Variants in KLF3 observed in about 807,000 individuals in gnomAD.
KLF3 encodes the protein Krueppel-like factor 3.
KLF3 carries 6 observed loss-of-function variants against 32.7 expected under a neutral mutation model. The ratio of observed to expected loss-of-function variants is 0.18; its 90% CI spans 0.10 to 0.36. KLF3 has a LOEUF of 0.36. Ranked by LOEUF, KLF3 falls within the 10% of genes least tolerant of loss-of-function variation. KLF3 has a pLI of 1.00. For synonymous variants in KLF3, 145 were observed against 172.8 expected, an observed-to-expected ratio of 0.84 and a Z score of 1.26; for missense variants, 338 against 449.7, an observed-to-expected ratio of 0.75 and a Z score of 2.25.
intron 5 of KLF3, among the ~76,000 whole-genome samples, chr4:38,695,208 C>A (rs1309459813): frequency 6.6e-6 from 1 of 152,218 alleles, no homozygotes; most frequent in Non-Finnish European, 1.5e-5. Flanking sequence ...GGGGGAAGTG[C>A]TTTCACAGTC....
At position 38,688,931 on chromosome 4, in the gene KLF3, G is replaced by A; in HGVS notation, c.404G>A (p.Gly135Glu). The stretch of plus-strand genomic sequence containing the variant: ...ATGGCAGCTGCCCTCTCGCGGCATG[G>A]AATACGGAGCCCGGGGATCCTGCCC... ...PVMAAALSRH[G>E]IRSPGILPVI... Residue 135 changes from glycine to glutamate, a missense_variant, in exon 3 of 6, where the codon GGA (glycine) becomes GAA (glutamate). Transcript: ENST00000261438. This position sits in a 1 kb window ranked among gnomAD's most constrained non-coding sequence, Gnocchi z 4.9. The A allele has an allele frequency of 6.2e-7, 1 of 1,614,256 alleles. No individual in the cohort carries two copies. Among genetic ancestry groups the A allele is most frequent in the East Asian group, 2.2e-5 (1 of 44,882 alleles).
chr4:38,679,630 C>G (rs771106230), intron 1 of KLF3, among the ~76,000 whole-genome samples: 1 of 152,206 alleles, frequency 6.6e-6, no homozygotes, highest in Admixed American at 6.5e-5. Context: ...CCCTAAGTGC[C>G]TAATAAAGAG....
In KLF3 at chr4:38,689,760, A is replaced by G. The variant is rs1722822641; in HGVS notation, c.576A>G (p.Ile192Met). 1 of 1,606,232 alleles carries G rather than the reference A, an allele frequency of 6.2e-7. No individual in the cohort carries two copies. Among genetic ancestry groups the G allele is most frequent in the South Asian group, 1.1e-5 (1 of 89,994 alleles). ...VPVIESYEKPISQKKIKIEPG... is the reference protein window; with the variant it reads ...VPVIESYEKPMSQKKIKIEPG... ...TAATTGAATCATATGAGAAGCCTATATCACAGAAAAAAATTAAAATAGAAC... is the reference window on the plus strand; with the variant it reads ...TAATTGAATCATATGAGAAGCCTATGTCACAGAAAAAAATTAAAATAGAAC... The change falls in exon 4 of 6, where the codon ATA (isoleucine) becomes ATG (methionine). Residue 192 changes from isoleucine (I) to methionine (M), a missense_variant. By Grantham distance (10) the Ile-to-Met change is conservative (BLOSUM62 1). Coordinates refer to ENST00000261438, the MANE Select transcript of KLF3 (RefSeq NM_016531.6).
chr4:38,685,063 T>C (rs1212947919), intron 2 of KLF3, among the ~76,000 whole-genome samples: 2 of 152,210 alleles, frequency 1.3e-5, no homozygotes, highest in Non-Finnish European at 2.9e-5. Flanking sequence ...GATTTGGATA[T>C]GGGGCCAGTA....
rs1722292104 is a variant in KLF3 at position 38,674,755 on chromosome 4, A to G, written c.-39-5832A>G. ...GGGAGATGAGAAGGGAGAACGTCAG[A>G]GGCAGGTCTTGCTCTAACCCCAAGA... is the stretch of plus-strand genomic sequence containing the variant. On this transcript the variant is annotated intron_variant, in intron 1 of 5. Coordinates refer to ENST00000261438, the MANE Select transcript of KLF3 (RefSeq NM_016531.6). The surrounding 1 kb of genome is among the most constrained non-coding windows in gnomAD (Gnocchi z 4.1). 1.4e-5 allele frequency among the ~76,000 whole-genome samples: 2 copies of G among 140,662 alleles called. No homozygotes were observed. Among genetic ancestry groups the G allele is most frequent in the South Asian group, 4.6e-4 (2 of 4,324 alleles). The allele number at this position is 140,662 out of a possible 152,430, so 92.3% of individuals were successfully genotyped here. A position where few individuals can be genotyped will look rare whatever the true frequency, so the allele number is the denominator to read the frequency against.
chr4:38,673,115 T>C (rs1317645571), intron 1 of KLF3, among the ~76,000 whole-genome samples: 2 of 152,246 alleles, frequency 1.3e-5, no homozygotes, highest in Non-Finnish European at 2.9e-5. Flanking sequence ...TCAGTGGCTC[T>C]CTGGGAGGAA....
At position 38,688,522 on chromosome 4, in the gene KLF3, TTCATG is replaced by T; in HGVS notation, c.58-61_58-57del. 6.7e-7 allele frequency: 1 copy of T among 1,485,672 alleles called. No homozygotes were observed. The highest frequency in any genetic ancestry group is 9.0e-7 in the Non-Finnish European group (1 of 1,106,054). 92.0% of individuals were successfully genotyped at this position (1,485,672 alleles called of 1,614,324 possible). On this transcript the variant is annotated intron_variant, in intron 2 of 5. Coordinates refer to ENST00000261438, the MANE Select transcript of KLF3 (RefSeq NM_016531.6). This position sits in a 1 kb window ranked among gnomAD's most constrained non-coding sequence, Gnocchi z 4.9. ...TGCCTTGTTAGCATATTTTTCTTAA[TTCATG>T]TTTCAAGTAAATGGACTTATTTGGC...
chr4:38,681,431 C>T (rs538996636), intron 2 of KLF3, among the ~76,000 whole-genome samples: 2 of 152,296 alleles, frequency 1.3e-5, no homozygotes, highest in Admixed American at 1.3e-4. Flanking sequence ...GACGGAATCT[C>T]GTTTACTTGG....
At chr4:38,665,416 T>G (rs1022187054) in intron 1 of KLF3, among the ~76,000 whole-genome samples, 3 of 152,206 alleles carry the variant, frequency 2.0e-5, no homozygotes, top group Non-Finnish European at 4.4e-5. Context: ...TATTCATTTT[T>G]TTGGGCAGAT....
chr4:38,700,258 A>ATATATG lies in KLF3; in HGVS notation c.*3007_*3012dup, dbSNP rs1359276167. 1 of 152,234 alleles carries ATATATG rather than the reference A, an allele frequency of 6.6e-6. No individual in the cohort carries two copies. Among genetic ancestry groups the ATATATG allele is most frequent in the Non-Finnish European group, 1.5e-5 (1 of 68,050 alleles). 9.4% of individuals were successfully genotyped at this position (152,234 alleles called of 1,614,324 possible). ...CTTGGAACAGAATTACAGGGGAACT[A>ATATATG]TATATGTATATGTATATTTTATTAA... is the stretch of plus-strand genomic sequence containing the variant. On this transcript the variant is annotated 3_prime_UTR_variant, in exon 6 of 6. Coordinates refer to ENST00000261438, the MANE Select transcript of KLF3 (RefSeq NM_016531.6).
Position 38,671,831 on chromosome 4 carries a change from C to G in KLF3, c.-40+7370C>G, listed in dbSNP as rs1272716100. 6.6e-6 allele frequency among the ~76,000 whole-genome samples: 1 copy of G among 152,208 alleles called. No individual in the cohort carries two copies. The highest frequency in any genetic ancestry group is 1.5e-5 in the Non-Finnish European group (1 of 68,030). On this transcript the variant is annotated intron_variant, in intron 1 of 5. Coordinates refer to ENST00000261438, the MANE Select transcript of KLF3 (RefSeq NM_016531.6). The surrounding 1 kb of genome is among the most constrained non-coding windows in gnomAD (Gnocchi z 4.4). ...GATTGGCAGGAAACCTGTGACATCA[C>G]TTAGCCCCTTGCCTTCCTTGATCCC...
intron 1 of KLF3, among the ~76,000 whole-genome samples, chr4:38,665,674 T>A (rs1009372926): frequency 6.6e-6 from 1 of 152,122 alleles, no homozygotes; most frequent in Admixed American, 6.6e-5. Flanking sequence ...CTCACAAGAG[T>A]CTGGTATATG....
chr4:38,692,243 C>G (rs937869030), intron 4 of KLF3, among the ~76,000 whole-genome samples: 1 of 151,992 alleles, frequency 6.6e-6, no homozygotes, highest in African/African-American at 2.4e-5. Flanking sequence ...TATAATAATC[C>G]CAAACCATCT....
intron 5 of KLF3, 139 bp downstream of exon 5, chr4:38,695,045 T>C (rs2109257428): frequency 1.4e-6 from 1 of 734,440 alleles, no homozygotes. Flanking sequence ...CCAGATTAGT[T>C]GTGCAGAATG....
chr4:38,695,377 A>G (rs529534352), intron 5 of KLF3, among the ~76,000 whole-genome samples: 46 of 152,324 alleles, frequency 3.0e-4, no homozygotes, highest in African/African-American at 9.4e-4. Flanking sequence ...AATGTGGTTA[A>G]TATTTGTCTT....
chr4:38,682,242 A>G (rs1198108069), intron 2 of KLF3, among the ~76,000 whole-genome samples: 1 of 152,164 alleles, frequency 6.6e-6, no homozygotes, highest in Non-Finnish European at 1.5e-5. Context: ...TATTTTCAGT[A>G]TAGGCCAGGT....
intron 1 of KLF3, among the ~76,000 whole-genome samples, chr4:38,677,007 G>T (rs1287527313): frequency 7.5e-6 from 1 of 134,052 alleles, no homozygotes; most frequent in Non-Finnish European, 1.5e-5. Context: ...TGTTGCCCAA[G>T]CTGAGTGCAG....
chr4:38,670,508 C>T (rs1055775478), intron 1 of KLF3, among the ~76,000 whole-genome samples: 1 of 152,232 alleles, frequency 6.6e-6, no homozygotes, highest in Non-Finnish European at 1.5e-5. Context: ...GCTGTTCTTT[C>T]TACTACCACT....
chr4:38,665,748 A>G (rs1340117097), intron 1 of KLF3, among the ~76,000 whole-genome samples: 1 of 152,208 alleles, frequency 6.6e-6, no homozygotes, highest in Non-Finnish European at 1.5e-5. Flanking sequence ...CAAGTGGGGA[A>G]TAGGCCAGTT....
Sources: gnomAD v4.1 joint callset for allele counts (sites outside exome capture counted in the v4.1 genomes callset) on GRCh38, gnomAD v4.1.1 for gene constraint, Gnocchi (gnomAD v3.1) non-coding constraint, MANE v1.5 for transcripts, NCBI Gene and HGNC (gene_info 2026-07-23, HGNC 2026-07-21) for gene names.